The following RC3H1 variants were observed in gnomAD, a reference collection of about 807,000 sequenced individuals.
RC3H1 encodes ring finger and CCCH-type domains 1.
In RC3H1, 50 loss-of-function variants were observed where a neutral mutation model predicts 138.2. The ratio of observed to expected loss-of-function variants is 0.36; its 90% CI spans 0.29 to 0.46. The LOEUF (loss-of-function observed/expected upper bound fraction) is 0.46, where lower values mean the gene tolerates loss of function less well. RC3H1 is among the 20% of genes least tolerant of loss of function. RC3H1 has a pLI of 1.00. For synonymous variants in RC3H1, 462 were observed against 489.1 expected (o/e 0.94, Z 0.73); for missense variants, 1,031 against 1,388.1 (o/e 0.74, Z 4.09).
chr1:174,012,311 T>G (rs1200921294), intron 1 of RC3H1, among the ~76,000 whole-genome samples: 7 of 152,106 alleles, frequency 4.6e-5, no homozygotes. Context: ...TAGGATAAAT[T>G]TCCTCATTTT....
Position 173,964,471 on chromosome 1 carries a change from G to A in RC3H1, c.1617-284C>T, listed in dbSNP as rs139179267. On this transcript the variant is annotated intron_variant, in intron 10 of 19. Coordinates refer to ENST00000367696, the MANE Select transcript of RC3H1 (RefSeq NM_172071.4). Reference sequence around the variant, plus strand: ...CAACCTCCGCCTCCTGGGTTCAAGCGATTCTCATGCTTCAGCCTCCCAAGT... The same window carrying A: ...CAACCTCCGCCTCCTGGGTTCAAGCAATTCTCATGCTTCAGCCTCCCAAGT... Among the ~76,000 whole-genome samples the A allele has an allele frequency of 9.7e-4, 148 of 152,148 alleles. 1 individual carries two copies. Among genetic ancestry groups the A allele is most frequent in the African/African-American group, 3.4e-3 (141 of 41,520 alleles).
In RC3H1 at chr1:173,964,885, T is replaced by C. The variant is rs1660039647; in HGVS notation, c.1570A>G (p.Lys524Glu). The change falls in exon 10 of 20, where the codon AAA becomes GAA. Residue 524 changes from lysine (K) to glutamate (E), a missense_variant. By Grantham distance (56) the Lys-to-Glu change is moderately conservative (BLOSUM62 1). Around this residue, in one of 7 missense-constraint regions of RC3H1, gnomAD observed 716 missense variants for 837.9 expected, o/e 0.85. Transcript: ENST00000367696. ...PSYDSSLKPG[K>E]IDHLSSSAPG... ...GCACTACTGCTCAGATGATCTATTT[T>C]TCCTGGTTTCAGACTAGAATCATAG... is the stretch of plus-strand genomic sequence containing the variant. 6.2e-7 allele frequency: 1 copy of C among 1,614,090 alleles called. No homozygotes were observed. The highest frequency in any genetic ancestry group is 1.1e-5 in the South Asian group (1 of 91,084).
chr1:174,018,292 T>A (rs1661900588), intron 1 of RC3H1, among the ~76,000 whole-genome samples: 1 of 152,086 alleles, frequency 6.6e-6, no homozygotes, highest in Non-Finnish European at 1.5e-5. Context: ...TTGAGGAAAA[T>A]TCTTTCCCCA....
intron 14 of RC3H1, among the ~76,000 whole-genome samples, chr1:173,948,748 G>A (rs780533859): frequency 4.0e-4 from 61 of 151,734 alleles, no homozygotes; most frequent in Admixed American, 6.6e-4. Context: ...ACCACACCTG[G>A]CTAATTAAAA....
chr1:173,980,058 TG>T (rs950696931), intron 6 of RC3H1, among the ~76,000 whole-genome samples: 3 of 151,112 alleles, frequency 2.0e-5, no homozygotes, highest in African/African-American at 4.9e-5. Flanking sequence ...TTTTTTTTTT[TG>T]GTAGAGATGA....
intron 13 of RC3H1, among the ~76,000 whole-genome samples, chr1:173,960,462 T>C (rs1035624603): frequency 6.6e-5 from 10 of 152,204 alleles, no homozygotes; most frequent in African/African-American, 2.4e-4. Flanking sequence ...ACATTTTTGG[T>C]ATGAAATCCT....
chr1:173,999,393 G>A (rs12096437), intron 1 of RC3H1, among the ~76,000 whole-genome samples: 9,347 of 80,756 alleles, frequency 0.12, 1,053 homozygotes, highest in African/African-American at 0.5. Flanking sequence ...AAAAAAAAAA[G>A]AGAGAGAGAG....
intron 1 of RC3H1, among the ~76,000 whole-genome samples, chr1:174,002,983 C>T (rs916821608): frequency 2.0e-5 from 3 of 152,164 alleles, no homozygotes; most frequent in African/African-American, 7.2e-5. Flanking sequence ...CTTCTGAGTG[C>T]CAGGGCCATA....
At position 173,979,139 on chromosome 1, in the gene RC3H1, G is replaced by C. The variant is rs577680944; in HGVS notation, c.970-519C>G. Among the ~76,000 whole-genome samples the C allele has an allele frequency of 2.0e-5, 3 of 152,272 alleles. 1 individual carries two copies. The highest frequency in any genetic ancestry group is 7.2e-5 in the African/African-American group (3 of 41,536). ...TGACTAGTGATCACCATATTGGACA[G>C]TGCATACACAGAACATTTTCATGAT... On this transcript the variant is annotated intron_variant, in intron 6 of 19. Transcript: ENST00000367696.
At chr1:173,970,234 T>A (rs1660297323) in intron 9 of RC3H1, among the ~76,000 whole-genome samples, 1 of 152,218 alleles carries the variant, frequency 6.6e-6, no homozygotes, top group Admixed American at 6.5e-5. Context: ...ATTTTATACA[T>A]TATTTTAAAT....
At chr1:173,944,109 T>C (rs1187507164) in intron 17 of RC3H1, among the ~76,000 whole-genome samples, 2 of 146,632 alleles carry the variant, frequency 1.4e-5, no homozygotes, top group Non-Finnish European at 3.0e-5. Flanking sequence ...TACAGCGAGC[T>C]GCTATGATCA....
intron 13 of RC3H1, 135 bp downstream of exon 13, chr1:173,960,942 G>C: frequency 1.3e-6 from 1 of 767,720 alleles, no homozygotes; most frequent in Non-Finnish European, 2.1e-6. Context: ...ATGGATTGTA[G>C]AGTTAAATGA....
chr1:173,970,916 T>C (rs1208205608), intron 8 of RC3H1, among the ~76,000 whole-genome samples: 1 of 151,428 alleles, frequency 6.6e-6, no homozygotes, highest in Admixed American at 6.6e-5. Context: ...TTGTATTATA[T>C]GGAAAAAGAA....
chr1:173,987,890 T>C (rs1661096356), intron 2 of RC3H1, among the ~76,000 whole-genome samples: 1 of 152,350 alleles, frequency 6.6e-6, no homozygotes, highest in African/African-American at 2.4e-5. Flanking sequence ...TCCTCCTTGT[T>C]TATCTGTTAA....
In RC3H1 at chr1:173,970,497, A is replaced by G; in HGVS notation, c.1334+8T>C. The stretch of plus-strand genomic sequence containing the variant: ...CTTATTCCAAAGTCTCCTGACTTTC[A>G]CACTTACTTTTCCAGTTCCTCCTGT... On this transcript the variant is annotated splice_region_variant and intron_variant, in intron 9 of 19. Coordinates refer to ENST00000367696, the MANE Select transcript of RC3H1 (RefSeq NM_172071.4). The G allele has an allele frequency of 4.4e-6, 7 of 1,593,812 alleles. No homozygotes were observed. The highest frequency in any genetic ancestry group is 6.0e-6 in the Non-Finnish European group (7 of 1,161,900).
At chr1:173,967,618 G>T (rs541870801) in intron 9 of RC3H1, among the ~76,000 whole-genome samples, 1 of 152,264 alleles carries the variant, frequency 6.6e-6, no homozygotes, top group South Asian at 2.1e-4. Flanking sequence ...TTGGCCATTA[G>T]TATTTCTTCC....
In RC3H1 at chr1:173,934,793, G is replaced by C. The variant is rs147127943; in HGVS notation, c.*3928C>G. On this transcript the variant is annotated 3_prime_UTR_variant, in exon 20 of 20. Transcript: ENST00000367696. ...TTGGGGAGGGCAGTGGGTAAGTCAA[G>C]GGGAAATTACAGGGTGGAAAAAGGT... 1.3e-5 allele frequency: 2 copies of C among 152,010 alleles called. No individual in the cohort carries two copies. The highest frequency in any genetic ancestry group is 4.8e-5 in the African/African-American group (2 of 41,374). 9.4% of individuals were successfully genotyped at this position (152,010 alleles called of 1,614,324 possible). A position where few individuals can be genotyped will look rare whatever the true frequency, so the allele number is the denominator to read the frequency against.
chr1:173,996,660 T>C (rs550994204), intron 1 of RC3H1, among the ~76,000 whole-genome samples: 61 of 152,274 alleles, frequency 4.0e-4, no homozygotes, highest in Non-Finnish European at 5.6e-4. Context: ...TTCACTACCA[T>C]AGCATGTGAC....
In RC3H1 at chr1:173,938,036, A is replaced by G. The variant is rs1658678133; in HGVS notation, c.*685T>C. ...TTGGTAATTCTATTTGAAAAGTTGA[A>G]AATAAAAACAAGAAATAAAACCCTC... On this transcript the variant is annotated 3_prime_UTR_variant, in exon 20 of 20. Transcript: ENST00000367696. The G allele has an allele frequency of 6.6e-6, 1 of 152,220 alleles. No individual in the cohort carries two copies. The highest frequency in any genetic ancestry group is 2.4e-5 in the African/African-American group (1 of 41,454). 9.4% of individuals were successfully genotyped at this position (152,220 alleles called of 1,614,324 possible).
Sources: allele counts gnomAD v4.1 joint callset (sites outside exome capture counted in the v4.1 genomes callset), GRCh38; gene constraint gnomAD v4.1.1; regional missense constraint gnomAD v4.1.1; transcripts MANE v1.5; gene names NCBI Gene and HGNC (gene_info 2026-07-23, HGNC 2026-07-21).